GABRB1: variants seen among roughly 807,000 people sequenced by gnomAD.
GABRB1 encodes gamma-aminobutyric acid receptor subunit beta-1.
A neutral mutation model predicts 51.6 loss-of-function variants in GABRB1; 17 were observed. That is an observed-to-expected ratio of 0.33 (90% CI 0.23 to 0.49). GABRB1 has a LOEUF of 0.49. Ranked by LOEUF, GABRB1 falls within the 20% of genes least tolerant of loss-of-function variation. The pLI is 0.99. For synonymous variants in GABRB1, 247 were observed against 218.9 expected, an observed-to-expected ratio of 1.13 and a Z score of -1.14; for missense variants, 410 against 600.6, an observed-to-expected ratio of 0.68 and a Z score of 3.32.
At chr4:47,073,220 A>G (rs191293050) in intron 3 of GABRB1, among the ~76,000 whole-genome samples, 49 of 152,280 alleles carry the variant, frequency 3.2e-4, no homozygotes, top group Non-Finnish European at 5.9e-5. Context: ...AAGAAGGAAA[A>G]CAGCATAGCC....
chr4:47,250,498 C>T (rs1302370238), intron 4 of GABRB1, among the ~76,000 whole-genome samples: 1 of 152,158 alleles, frequency 6.6e-6, no homozygotes, highest in East Asian at 1.9e-4. Context: ...ATGTCTAGGT[C>T]TCTAGCAAGG....
chr4:47,084,475 T>C (rs536807927), intron 3 of GABRB1, among the ~76,000 whole-genome samples: 1 of 152,338 alleles, frequency 6.6e-6, no homozygotes, highest in African/African-American at 2.4e-5. Context: ...TGGTGCAGGA[T>C]ATCTCTGCCC....
intron 4 of GABRB1, among the ~76,000 whole-genome samples, chr4:47,260,235 G>T (rs540283001): frequency 6.6e-5 from 10 of 151,770 alleles, no homozygotes; most frequent in Non-Finnish European, 8.9e-5. Context: ...CATGTGAGAT[G>T]GGTTTCCTGA....
chr4:47,275,475 A>T (rs1723039693), intron 4 of GABRB1, among the ~76,000 whole-genome samples: 1 of 152,132 alleles, frequency 6.6e-6, no homozygotes, highest in Non-Finnish European at 1.5e-5. Flanking sequence ...CTCGATTGAT[A>T]AAGTGGATGA....
At position 47,212,555 on chromosome 4, in the gene GABRB1, T is replaced by C. The variant is rs770768591; in HGVS notation, c.461+51086T>C. 2.2e-4 allele frequency among the ~76,000 whole-genome samples: 33 copies of C among 152,136 alleles called. 1 individual carries two copies. The highest frequency in any genetic ancestry group is 7.4e-5 in the Non-Finnish European group (5 of 68,024). ...GTTTGCAGGCATGGTGGCATGTGCC[T>C]GTAGTCCCAGCTACTAGGAAGGCTA... is the stretch of plus-strand genomic sequence containing the variant. On this transcript the variant is annotated intron_variant, in intron 4 of 8. Transcript: ENST00000295454.
chr4:47,026,922 C>A (rs1040381027), upstream of GABRB1, among the ~76,000 whole-genome samples: 6 of 151,750 alleles, frequency 4.0e-5, no homozygotes. Flanking sequence ...TGAATTTTGT[C>A]TCTCATTTTT....
chr4:47,001,211 G>C (rs534161065), intron 1 of GABRB1, among the ~76,000 whole-genome samples: 40 of 152,074 alleles, frequency 2.6e-4, no homozygotes, highest in South Asian at 6.2e-4. Flanking sequence ...GGCGCGATCT[G>C]GGCTCACTGC....
chr4:47,286,787 T>C (rs1425183210), intron 4 of GABRB1, among the ~76,000 whole-genome samples: 1 of 152,108 alleles, frequency 6.6e-6, no homozygotes, highest in Non-Finnish European at 1.5e-5. Flanking sequence ...ACATGTGACA[T>C]GCCAAAGAAA....
intron 5 of GABRB1, among the ~76,000 whole-genome samples, chr4:47,346,047 C>CAA (rs10672251): frequency 0.029 from 4,078 of 142,852 alleles, 149 homozygotes; most frequent in African/African-American, 0.09. Context: ...TTGAAAATGG[C>CAA]AAAAAAAAAA....
At chr4:47,007,889 TATATAA>T (rs1342193633) in intron 1 of GABRB1, among the ~76,000 whole-genome samples, 257 of 24,678 alleles carry the variant, frequency 0.01, 17 homozygotes, top group African/African-American at 0.029. Flanking sequence ...TATATATATA[TATATAA>T]AATCAAGTTT....
intron 4 of GABRB1, among the ~76,000 whole-genome samples, chr4:47,253,733 C>T (rs1358596142): frequency 1.3e-5 from 2 of 152,088 alleles, no homozygotes; most frequent in Non-Finnish European, 2.9e-5. Flanking sequence ...TTAAAGTTAC[C>T]TATGTGAAGT....
At position 47,159,086 on chromosome 4, in the gene GABRB1, G is replaced by A. The variant is rs144207856; in HGVS notation, c.241-2163G>A. ...GAGGCCAGGAATTTGAGACCAGCCT[G>A]AGCAACAGAGAAAGACCCGGTCTCA... On this transcript the variant is annotated intron_variant, in intron 3 of 8. Coordinates refer to ENST00000295454, the MANE Select transcript of GABRB1 (RefSeq NM_000812.4). 2.9e-4 allele frequency among the ~76,000 whole-genome samples: 43 copies of A among 150,388 alleles called. No homozygotes were observed. In the East Asian group the frequency reaches 6.5e-3, roughly 23 times the overall value.
rs566517875 is a variant in GABRB1 at position 47,242,966 on chromosome 4, C to T, written c.462-77161C>T. On this transcript the variant is annotated intron_variant, in intron 4 of 8. Coordinates refer to ENST00000295454, the MANE Select transcript of GABRB1 (RefSeq NM_000812.4). ...TTAGACATGAAGTCTTTGCCCTTGC[C>T]TATGTCCTGAATGGTATTGCCTAGT... Among the ~76,000 whole-genome samples, 71 of 152,306 alleles carry T rather than the reference C, an allele frequency of 4.7e-4. 1 individual carries two copies. The South Asian group carries it at 0.013, about 28-fold the overall frequency.
intron 5 of GABRB1, among the ~76,000 whole-genome samples, chr4:47,337,012 T>A (rs563776093): frequency 1.3e-5 from 2 of 152,292 alleles, no homozygotes; most frequent in South Asian, 4.1e-4. Context: ...GACAGGAGTT[T>A]GAAGTTGAAA....
intron 1 of GABRB1, among the ~76,000 whole-genome samples, chr4:47,008,852 C>CTTTTTTTTTTTTTTGTTTTTT (rs777676653): frequency 1.8e-5 from 1 of 56,476 alleles, no homozygotes; most frequent in Non-Finnish European, 3.0e-5. Flanking sequence ...TCAGATACTA[C>CTTTTTTTTTTTTTTGTTTTTT]CTTTTTTTTT....
chr4:47,020,602 T>C (rs1445662213), intron 1 of GABRB1, among the ~76,000 whole-genome samples: 1 of 152,190 alleles, frequency 6.6e-6, no homozygotes, highest in Non-Finnish European at 1.5e-5. Context: ...TTTTACTCAC[T>C]TCTTTTCCTC....
intron 4 of GABRB1, among the ~76,000 whole-genome samples, chr4:47,227,935 G>A (rs1331553696): frequency 6.6e-6 from 1 of 152,024 alleles, no homozygotes; most frequent in Non-Finnish European, 1.5e-5. Context: ...CTCTTCTAAG[G>A]ATACCTGATT....
intron 1 of GABRB1, among the ~76,000 whole-genome samples, chr4:47,000,824 T>G (rs1465713311): frequency 1.3e-5 from 2 of 152,196 alleles, no homozygotes; most frequent in East Asian, 1.9e-4. Context: ...CAAGTTAGAC[T>G]GAAGCTGAAG....
chr4:47,220,741 A>G (rs1037714531), intron 4 of GABRB1, among the ~76,000 whole-genome samples: 3 of 151,976 alleles, frequency 2.0e-5, no homozygotes, highest in Non-Finnish European at 4.4e-5. Context: ...ACTCTCCAGT[A>G]TCTGTGTGAT....
Sources: allele counts gnomAD v4.1 joint callset (sites outside exome capture counted in the v4.1 genomes callset), GRCh38; gene constraint gnomAD v4.1.1; transcripts MANE v1.5; gene names NCBI Gene and HGNC (gene_info 2026-07-23, HGNC 2026-07-21).